Variants in PARPBP observed in about 807,000 individuals in gnomAD.
PARPBP encodes PARP1 binding protein, also known as PCNA-interacting partner.
Under a neutral mutation model 50.0 loss-of-function variants are expected in PARPBP, and 52 were observed. That is an observed-to-expected ratio of 1.04 (90% CI 0.83 to 1.31). PARPBP has a LOEUF of 1.31. Ranked by LOEUF, PARPBP falls within the 50% of genes most tolerant of loss-of-function variation. The pLI, the probability that PARPBP is intolerant of heterozygous loss-of-function variation, is 0.00. For synonymous variants in PARPBP, 244 were observed against 232.1 expected (o/e 1.05, Z -0.47); for missense variants, 697 against 672.0 (o/e 1.04, Z -0.41).
At chr12:102,144,612 G>A (rs1224233978) in intron 2 of PARPBP, among the ~76,000 whole-genome samples, 1 of 152,096 alleles carries the variant, frequency 6.6e-6, no homozygotes, top group Non-Finnish European at 1.5e-5. Flanking sequence ...AGCTTGCATA[G>A]TTTTACTTTA....
Position 102,123,945 on chromosome 12 carries a change from T to C in PARPBP, c.57T>C (p.Asn19=), listed in dbSNP as rs892759861. The change falls in exon 2 of 11, where the codon AAT becomes AAC. Residue 19 remains asparagine, a synonymous_variant. Transcript: ENST00000327680. ...VSDMIKEFRK[N]WRALCNSERT... ...ATATGATTAAAGAGTTTCGAAAAAA[T>C]TGGCGTGCTCTTTGTAACTCTGAGA... 5 of 1,534,768 alleles carry C rather than the reference T, an allele frequency of 3.3e-6. No homozygotes were observed. Among genetic ancestry groups the C allele is most frequent in the Admixed American group, 3.9e-5 (2 of 50,968 alleles).
chr12:102,185,063 A>C (rs1309495798), intron 9 of PARPBP, among the ~76,000 whole-genome samples: 2 of 152,192 alleles, frequency 1.3e-5, no homozygotes, highest in Non-Finnish European at 2.9e-5. Context: ...AAATTAACTC[A>C]GATTTTAGTT....
chr12:102,153,428 C>T (rs1001293480), intron 3 of PARPBP, among the ~76,000 whole-genome samples: 3 of 152,200 alleles, frequency 2.0e-5, no homozygotes, highest in Non-Finnish European at 2.9e-5. Context: ...TCACTGCAGC[C>T]TTCCTGGGCT....
chr12:102,141,505 T>C (rs1293758755), intron 2 of PARPBP, among the ~76,000 whole-genome samples: 3 of 152,242 alleles, frequency 2.0e-5, no homozygotes, highest in African/African-American at 4.8e-5. Flanking sequence ...AATATTGTTA[T>C]GTGTGAATTT....
intron 1 of PARPBP, among the ~76,000 whole-genome samples, chr12:102,122,783 A>G (rs116401447): frequency 0.01 from 1,567 of 152,330 alleles, 21 homozygotes; most frequent in African/African-American, 0.036. Flanking sequence ...AGTGACGTGG[A>G]GGTTATTAGG....
intron 3 of PARPBP, chr12:102,151,899 A>G: frequency 1.2e-6 from 1 of 837,862 alleles, no homozygotes; most frequent in South Asian, 1.7e-5. Flanking sequence ...GGACCCAAGG[A>G]GCTTCAGTTT....
intron 1 of PARPBP, among the ~76,000 whole-genome samples, chr12:102,121,491 A>C (rs1021019347): frequency 1.3e-5 from 2 of 151,822 alleles, no homozygotes; most frequent in Non-Finnish European, 2.9e-5. Context: ...CCTTTAGAAA[A>C]AATTAGCTGA....
Position 102,123,952 on chromosome 12 carries a change from G to A in PARPBP, c.64G>A (p.Ala22Thr). 3 of 1,534,694 alleles carry A rather than the reference G, an allele frequency of 2.0e-6. No homozygotes were observed. The African/African-American group carries it at 4.1e-5, about 21-fold the overall frequency. The change falls in exon 2 of 11, where the codon GCT (alanine) becomes ACT (threonine). Residue 22 changes from alanine to threonine, a missense_variant. By Grantham distance (58) the Ala-to-Thr change is moderately conservative. Transcript: ENST00000327680. ...TAAAGAGTTTCGAAAAAATTGGCGT[G>A]CTCTTTGTAACTCTGAGAGAACTAC... ...MIKEFRKNWR[A>T]LCNSERTTLC...
chr12:102,143,601 G>T (rs563709619), intron 2 of PARPBP, among the ~76,000 whole-genome samples: 2 of 152,248 alleles, frequency 1.3e-5, no homozygotes, highest in South Asian at 2.1e-4. Flanking sequence ...TTCCTATTTG[G>T]CCATCTTGGA....
At chr12:102,128,471 T>C (rs1312809709) in intron 2 of PARPBP, among the ~76,000 whole-genome samples, 1 of 152,208 alleles carries the variant, frequency 6.6e-6, no homozygotes, top group African/African-American at 2.4e-5. Context: ...GACCTCGTGA[T>C]CTGCCCACCT....
chr12:102,175,735 G>A, intron 7 of PARPBP, 69 bp downstream of exon 7: 1 of 980,240 alleles, frequency 1.0e-6, no homozygotes. Flanking sequence ...TTGTAGAAAT[G>A]GTTTATTATT....
chr12:102,151,726 A>G, intron 3 of PARPBP: 12 of 1,535,650 alleles, frequency 7.8e-6, no homozygotes, highest in Non-Finnish European at 1.0e-5. Context: ...CCTAAACTTC[A>G]GATTGCCTGG....
At chr12:102,184,097 A>C (rs986208503) in intron 9 of PARPBP, among the ~76,000 whole-genome samples, 1 of 151,294 alleles carries the variant, frequency 6.6e-6, no homozygotes, top group Non-Finnish European at 1.5e-5. Flanking sequence ...ATAAGGAAAA[A>C]TCACTGACAG....
chr12:102,188,990 T>G (rs1890558247), intron 9 of PARPBP, among the ~76,000 whole-genome samples: 1 of 150,660 alleles, frequency 6.6e-6, no homozygotes, highest in African/African-American at 2.4e-5. Flanking sequence ...ATCTCCAAAC[T>G]GGAGAGAAAA....
chr12:102,169,934 C>T (rs1341434703), intron 6 of PARPBP, among the ~76,000 whole-genome samples: 1 of 152,112 alleles, frequency 6.6e-6, no homozygotes, highest in Non-Finnish European at 1.5e-5. Flanking sequence ...GCTCTTGTAT[C>T]TGAGGAAAAG....
At chr12:102,174,409 C>T (rs1259819343) in intron 6 of PARPBP, among the ~76,000 whole-genome samples, 2 of 152,230 alleles carry the variant, frequency 1.3e-5, no homozygotes, top group Non-Finnish European at 1.5e-5. Context: ...TCATCTCTTT[C>T]TAGCTTGTTA....
At chr12:102,151,911 A>G in intron 3 of PARPBP, 1 of 748,150 alleles carries the variant, frequency 1.3e-6, no homozygotes, top group Non-Finnish European at 2.1e-6. Context: ...CTTCAGTTTA[A>G]TATAAAACCA....
intron 2 of PARPBP, among the ~76,000 whole-genome samples, chr12:102,132,927 A>T (rs1211539439): frequency 6.6e-6 from 1 of 151,812 alleles, no homozygotes; most frequent in Non-Finnish European, 1.5e-5. Context: ...TGTAAATGGG[A>T]TTGTTTTCTG....
In PARPBP at chr12:102,166,925, T is replaced by C. The variant is rs375736676; in HGVS notation, c.821+1042T>C. The stretch of plus-strand genomic sequence containing the variant: ...TCTTCTGAACTTCCAGATAATATAT[T>C]GGGGAGCCATTTCTATTGAAATATC... On this transcript the variant is annotated intron_variant, in intron 6 of 10. Transcript: ENST00000327680. Among the ~76,000 whole-genome samples, 17 of 152,270 alleles carry C rather than the reference T, an allele frequency of 1.1e-4. 1 individual carries two copies. The highest frequency in any genetic ancestry group is 2.0e-4 in the Admixed American group (3 of 15,290).
Sources: gnomAD v4.1 joint callset for allele counts (sites outside exome capture counted in the v4.1 genomes callset) on GRCh38, gnomAD v4.1.1 for gene constraint, MANE v1.5 for transcripts, NCBI Gene and HGNC (gene_info 2026-07-23, HGNC 2026-07-21) for gene names.